AFF3: variants seen among roughly 807,000 people sequenced by gnomAD.
AFF3 encodes ALF transcription elongation factor 3.
In AFF3, 32 loss-of-function variants were observed where a neutral mutation model predicts 129.7. The observed-to-expected ratio is 0.25, with a 90% CI of 0.19 to 0.33. AFF3 has a LOEUF of 0.33. AFF3 is among the 10% of genes least tolerant of loss of function. AFF3 has a pLI of 1.00. For synonymous variants in AFF3, 644 were observed against 635.4 expected (o/e 1.01, Z -0.20); for missense variants, 1,373 against 1,592.0 (o/e 0.86, Z 2.34).
intron 18 of AFF3, among the ~76,000 whole-genome samples, chr2:99,574,745 G>A (rs1192168597): frequency 6.6e-6 from 1 of 152,228 alleles, no homozygotes; most frequent in African/African-American, 2.4e-5. Context: ...TTAAATGACA[G>A]TGTGGCATCT....
At chr2:99,699,236 C>G (rs1193468381) in intron 11 of AFF3, among the ~76,000 whole-genome samples, 1 of 152,180 alleles carries the variant, frequency 6.6e-6, no homozygotes, top group Admixed American at 6.5e-5. Context: ...GAAGCTGTGC[C>G]TCTCCAGCTG....
chr2:99,927,960 A>C (rs1270243915), intron 7 of AFF3, among the ~76,000 whole-genome samples: 1 of 152,110 alleles, frequency 6.6e-6, no homozygotes, highest in African/African-American at 2.4e-5. Flanking sequence ...TTCTCATGAT[A>C]GTGCATGGGT....
intron 13 of AFF3, among the ~76,000 whole-genome samples, chr2:99,632,008 CTTTT>C (rs745651225): frequency 9.1e-5 from 7 of 76,884 alleles, no homozygotes; most frequent in Non-Finnish European, 1.3e-4. Context: ...CTTGCCAACA[CTTTT>C]TTTTTTTTTT....
chr2:99,840,894 C>T (rs1043801878), intron 7 of AFF3, among the ~76,000 whole-genome samples: 8 of 152,160 alleles, frequency 5.3e-5, no homozygotes, highest in African/African-American at 1.9e-4. Context: ...AGAAAATGTA[C>T]CGTCAAACCT....
chr2:99,658,491 C>T (rs1032715924), intron 12 of AFF3, among the ~76,000 whole-genome samples: 1 of 152,042 alleles, frequency 6.6e-6, no homozygotes, highest in African/African-American at 2.4e-5. Context: ...ATTACAGGTG[C>T]CTGTTACCAC....
intron 18 of AFF3, among the ~76,000 whole-genome samples, chr2:99,570,902 C>T (rs560961037): frequency 1.2e-4 from 19 of 152,346 alleles, no homozygotes; most frequent in African/African-American, 4.6e-4. Context: ...CCCTCAATTT[C>T]CCCCGCCGTA....
intron 8 of AFF3, among the ~76,000 whole-genome samples, chr2:99,779,116 G>A (rs1047477360): frequency 6.6e-6 from 1 of 152,116 alleles, no homozygotes. Flanking sequence ...CCGATCTTAG[G>A]GGGAAAGCAT....
chr2:99,593,092 C>G (rs762224740), intron 15 of AFF3, 103 bp downstream of exon 15: 1 of 1,358,750 alleles, frequency 7.4e-7, no homozygotes, highest in Admixed American at 2.4e-5. Context: ...GGCAGCCTAC[C>G]GTCCCAAACA....
chr2:100,129,070 A>G (rs887876618), intron 2 of AFF3, among the ~76,000 whole-genome samples, 154 bp downstream of exon 2: 1 of 152,128 alleles, frequency 6.6e-6, no homozygotes, highest in African/African-American at 2.4e-5. Context: ...TTTCATCAAC[A>G]TTGTCACCAT....
intron 8 of AFF3, among the ~76,000 whole-genome samples, chr2:99,835,064 A>C (rs1335020346): frequency 1.3e-5 from 2 of 152,046 alleles, no homozygotes; most frequent in African/African-American, 2.4e-5. Flanking sequence ...CCCTTCCCGC[A>C]AACCAGGATC....
intron 7 of AFF3, among the ~76,000 whole-genome samples, chr2:99,975,765 T>G (rs920698014): frequency 1.3e-5 from 2 of 149,834 alleles, no homozygotes; most frequent in Non-Finnish European, 3.0e-5. Context: ...TTTTTTTTTT[T>G]TTTTTTTTTG....
chr2:99,649,688 G>C (rs1685053487), intron 12 of AFF3, 22 bp from the exon 13 acceptor site: 3 of 1,613,558 alleles, frequency 1.9e-6, no homozygotes, highest in Non-Finnish European at 2.5e-6. Context: ...AAAGGGCAGA[G>C]ATGTTTATTT....
chr2:99,623,754 C>T (rs909737557), intron 13 of AFF3, among the ~76,000 whole-genome samples: 2 of 152,186 alleles, frequency 1.3e-5, no homozygotes, highest in Admixed American at 6.5e-5. Flanking sequence ...GGCCTGTGAG[C>T]CCTGTCCTGA....
intron 4 of AFF3, among the ~76,000 whole-genome samples, chr2:100,088,327 A>C (rs982920670): frequency 5.3e-5 from 8 of 152,352 alleles, no homozygotes; most frequent in Non-Finnish European, 1.0e-4. Context: ...CAGCGAGGTC[A>C]CAGGATACAA....
chr2:100,008,117 G>A (rs1231437570), intron 5 of AFF3, among the ~76,000 whole-genome samples: 3 of 152,206 alleles, frequency 2.0e-5, no homozygotes, highest in East Asian at 1.9e-4. Context: ...GGATTGTCCT[G>A]TAATTGTAGT....
rs187283520 is a variant in AFF3, at chr2:99,871,531, A to G, written c.874-34007T>C. On this transcript the variant is annotated intron_variant, in intron 7 of 24. Transcript: ENST00000672756. ...AAGGAAAGGCTCATAAAACTGGCTTATTTTGCAGATGTTTCTTCAAGGCTG... is the reference window on the plus strand; with the variant it reads ...AAGGAAAGGCTCATAAAACTGGCTTGTTTTGCAGATGTTTCTTCAAGGCTG... Among the ~76,000 whole-genome samples the G allele has an allele frequency of 2.7e-5, 4 of 149,590 alleles. No homozygotes were observed. In the East Asian group the frequency reaches 7.7e-4, roughly 29 times the overall value.
intron 17 of AFF3, among the ~76,000 whole-genome samples, chr2:99,581,596 G>C (rs1405017671): frequency 1.3e-5 from 2 of 151,098 alleles, no homozygotes; most frequent in Non-Finnish European, 2.9e-5. Context: ...TCGGCTCACT[G>C]TAACCTCCAC....
At chr2:100,067,946 T>C (rs909248501) in intron 4 of AFF3, among the ~76,000 whole-genome samples, 2 of 152,018 alleles carry the variant, frequency 1.3e-5, no homozygotes, top group African/African-American at 2.4e-5. Context: ...CCAGAAAAAA[T>C]AGTTCAAACA....
intron 4 of AFF3, among the ~76,000 whole-genome samples, chr2:100,023,961 G>A (rs992560575): frequency 6.6e-6 from 1 of 152,084 alleles, no homozygotes; most frequent in Non-Finnish European, 1.5e-5. Context: ...GGCCGGGCAC[G>A]GTGGCTCATG....
Sources: allele counts gnomAD v4.1 joint callset (sites outside exome capture counted in the v4.1 genomes callset), GRCh38; gene constraint gnomAD v4.1.1; transcripts MANE v1.5; gene names NCBI Gene and HGNC (gene_info 2026-07-23, HGNC 2026-07-21).